The following ERCC6L2 variants were observed in gnomAD, a reference collection of about 807,000 sequenced individuals.
ERCC6L2 encodes the protein ERCC excision repair 6 like 2.
In ERCC6L2, 77 loss-of-function variants were observed where a neutral mutation model predicts 132.0. The ratio of observed to expected loss-of-function variants is 0.58; its 90% CI spans 0.49 to 0.71. The LOEUF (loss-of-function observed/expected upper bound fraction) is 0.71, where lower values mean the gene tolerates loss of function less well. ERCC6L2 is among the 30% of genes least tolerant of loss of function. The pLI, the probability that ERCC6L2 is intolerant of heterozygous loss-of-function variation, is 0.00. For synonymous variants in ERCC6L2, 583 were observed against 632.4 expected (o/e 0.92, Z 1.17); for missense variants, 1,542 against 1,837.6 (o/e 0.84, Z 2.94).
At chr9:96,003,384 C>T (rs1833755137) in intron 17 of ERCC6L2, among the ~76,000 whole-genome samples, 1 of 152,182 alleles carries the variant, frequency 6.6e-6, no homozygotes, top group Admixed American at 6.5e-5. Flanking sequence ...GCTTAGAGTT[C>T]CCATACCACC....
chr9:95,923,720 A>G (rs751700069), intron 9 of ERCC6L2, among the ~76,000 whole-genome samples: 2 of 152,228 alleles, frequency 1.3e-5, no homozygotes, highest in Non-Finnish European at 2.9e-5. Context: ...CCAGAAATAT[A>G]AAAGCTAATG....
At chr9:95,944,877 G>C (rs1419518378) in intron 12 of ERCC6L2, among the ~76,000 whole-genome samples, 1 of 152,156 alleles carries the variant, frequency 6.6e-6, no homozygotes, top group Non-Finnish European at 1.5e-5. Flanking sequence ...GTGGGTCACA[G>C]AGATCACATC....
intron 11 of ERCC6L2, among the ~76,000 whole-genome samples, chr9:95,934,852 G>A (rs1036083037): frequency 1.3e-5 from 2 of 152,172 alleles, no homozygotes; most frequent in African/African-American, 4.8e-5. Context: ...ATCATTTTCT[G>A]TCTCTCATAA....
downstream of ERCC6L2, chr9:96,021,110 A>G: frequency 2.4e-6 from 1 of 419,458 alleles, no homozygotes; most frequent in Non-Finnish European, 4.8e-6. The surrounding 1 kb of genome is among the most constrained non-coding windows in gnomAD (Gnocchi z 4.7). Flanking sequence ...CCTCGCGCCC[A>G]TTACTCTCAG....
In ERCC6L2 at chr9:96,016,943, A is replaced by G. The variant is rs1318660557; in HGVS notation, c.*3740A>G. Reference sequence around the variant, plus strand: ...TTGTTTGTTTGTTTGCATGTGAAGGATTTTTATGTCACAAATCCAGCTAAC... The same window carrying G: ...TTGTTTGTTTGTTTGCATGTGAAGGGTTTTTATGTCACAAATCCAGCTAAC... On this transcript the variant is annotated 3_prime_UTR_variant, in exon 19 of 19. Transcript: ENST00000653738. 6.6e-6 allele frequency among the ~76,000 whole-genome samples: 1 copy of G among 152,088 alleles called. No homozygotes were observed. The highest frequency in any genetic ancestry group is 1.9e-4 in the East Asian group (1 of 5,202).
chr9:95,915,694 A>G lies in ERCC6L2; in HGVS notation c.815A>G (p.Asp272Gly). The change falls in exon 5 of 19, where the codon GAT (aspartate) becomes GGT (glycine). Residue 272 changes from aspartate (D) to glycine (G), a missense_variant. Physicochemically the swap from Asp to Gly is moderately conservative, Grantham distance 94. Around this residue, in one of 4 missense-constraint regions of ERCC6L2, gnomAD observed 945 missense variants for 1,105.2 expected, o/e 0.86. Transcript: ENST00000653738. ...TTGGAATGGTCAGCTGTCATTGTGG[A>G]TGAAGCTCATAGAATCAAGAATCCA... ...NSLEWSAVIVDEAHRIKNPKA... is the reference protein window; with the variant it reads ...NSLEWSAVIVGEAHRIKNPKA... 1 of 1,613,518 alleles carries G rather than the reference A, an allele frequency of 6.2e-7. No individual in the cohort carries two copies. Among genetic ancestry groups the G allele is most frequent in the Non-Finnish European group, 8.5e-7 (1 of 1,179,744 alleles).
chr9:95,976,456 G>A (rs1231744111), intron 16 of ERCC6L2, among the ~76,000 whole-genome samples: 2 of 152,158 alleles, frequency 1.3e-5, no homozygotes, highest in African/African-American at 4.8e-5. Context: ...TTCAGCTGCT[G>A]TTCTCCAGCT....
intron 17 of ERCC6L2, among the ~76,000 whole-genome samples, chr9:95,987,512 C>T (rs1017541145): frequency 6.6e-6 from 1 of 152,188 alleles, no homozygotes; most frequent in African/African-American, 2.4e-5. Flanking sequence ...CCAAAATGAT[C>T]TCCTTGGACT....
chr9:95,930,875 T>C lies in ERCC6L2; in HGVS notation c.1751+2011T>C, dbSNP rs1830305476. ...CACACACCCACCCACCCTTCTACTT[T>C]TGTCACCTATACATATTATGTTAAC... is the stretch of plus-strand genomic sequence containing the variant. On this transcript the variant is annotated intron_variant, in intron 11 of 18. Coordinates refer to ENST00000653738, the MANE Select transcript of ERCC6L2 (RefSeq NM_020207.7). Among the ~76,000 whole-genome samples the C allele has an allele frequency of 2.6e-5, 4 of 152,178 alleles. No homozygotes were observed. In the South Asian group the frequency reaches 8.3e-4, roughly 32 times the overall value.
chr9:95,969,712 A>G (rs555905310), intron 14 of ERCC6L2, among the ~76,000 whole-genome samples: 6 of 152,192 alleles, frequency 3.9e-5, no homozygotes, highest in Non-Finnish European at 5.9e-5. Context: ...GCTTCCAGGC[A>G]TGGAGAATAA....
chr9:95,939,345 A>G (rs1277010302), intron 11 of ERCC6L2, among the ~76,000 whole-genome samples: 2 of 151,724 alleles, frequency 1.3e-5, no homozygotes, highest in African/African-American at 4.8e-5. Context: ...TCTGCTGGTA[A>G]CAGGTGCTCT....
At chr9:95,883,960 G>A (rs748459752) in intron 2 of ERCC6L2, among the ~76,000 whole-genome samples, 5 of 152,166 alleles carry the variant, frequency 3.3e-5, no homozygotes, top group Admixed American at 6.5e-5. Flanking sequence ...AAATTCTTGC[G>A]CACATTTTAG....
Position 95,897,990 on chromosome 9 carries a change from G to A in ERCC6L2, c.594+19G>A, listed in dbSNP as rs1478092435. 1.3e-6 allele frequency: 2 copies of A among 1,590,536 alleles called. No individual in the cohort carries two copies. The highest frequency in any genetic ancestry group is 8.5e-7 in the Non-Finnish European group (1 of 1,169,988). On this transcript the variant is annotated intron_variant, in intron 3 of 18. Transcript: ENST00000653738. Reference sequence around the variant, plus strand: ...AAAAAAGGTAAAATCTCTAGACAATGTATATTCTACTCATGATGCTGGTAT... The same window carrying A: ...AAAAAAGGTAAAATCTCTAGACAATATATATTCTACTCATGATGCTGGTAT...
intron 6 of ERCC6L2, among the ~76,000 whole-genome samples, 167 bp from the exon 7 acceptor site, chr9:95,921,008 C>T (rs1829839169): frequency 6.6e-6 from 1 of 152,228 alleles, no homozygotes; most frequent in African/African-American, 2.4e-5. Flanking sequence ...ATCTCTTGAC[C>T]TTGTGATCCG....
chr9:95,879,529 A>T (rs1006257557), intron 1 of ERCC6L2, among the ~76,000 whole-genome samples: 4 of 152,192 alleles, frequency 2.6e-5, no homozygotes, highest in African/African-American at 9.7e-5. Context: ...CCATTGACCT[A>T]TATGTTGTTC....
At position 96,015,360 on chromosome 9, in the gene ERCC6L2, G is replaced by T. The variant is rs4743460; in HGVS notation, c.*2157G>T. 0.03 allele frequency among the ~76,000 whole-genome samples: 4,592 copies of T among 151,306 alleles called. 97 individuals carry two copies. The highest frequency in any genetic ancestry group is 0.13 in the East Asian group (654 of 5,018). On this transcript the variant is annotated 3_prime_UTR_variant, in exon 19 of 19. Coordinates refer to ENST00000653738, the MANE Select transcript of ERCC6L2 (RefSeq NM_020207.7). ...GCCACCACGCCCAGCTAATTTTTTT[G>T]TGTTTTTAGTAGGGATGGGGTTTCA...
intron 3 of ERCC6L2, among the ~76,000 whole-genome samples, chr9:95,904,293 C>G (rs1338083898): frequency 6.6e-6 from 1 of 152,138 alleles, no homozygotes; most frequent in African/African-American, 2.4e-5. Context: ...TGTAATCTCA[C>G]TGTCCTCTGA....
chr9:96,040,155 C>T (rs970828772), intron 20 of ERCC6L2, among the ~76,000 whole-genome samples: 13 of 151,958 alleles, frequency 8.6e-5, no homozygotes, highest in Non-Finnish European at 2.9e-5. Context: ...CAGTCCTGCC[C>T]CCCCCCAAGC....
rs1350060339 is a variant in ERCC6L2 at position 95,876,064 on chromosome 9, G to C, written c.26G>C (p.Arg9Pro). Residue 9 changes from arginine (R) to proline (P), a missense_variant, in exon 1 of 19, where the codon CGC (arginine) becomes CCC (proline). By Grantham distance (103) the Arg-to-Pro change is moderately radical. This residue lies in a region of ERCC6L2 where 153 missense variants were observed against 132.3 expected (regional missense o/e 1.16). Transcript: ENST00000653738. ...ATGGATCCGTCGGCGCCACAGCCCCGCGCGGAAACCTCAGGCAAAGGTACC... is the reference window on the plus strand; with the variant it reads ...ATGGATCCGTCGGCGCCACAGCCCCCCGCGGAAACCTCAGGCAAAGGTACC... MDPSAPQPRAETSGKDIWH... is the reference protein window; with the variant it reads MDPSAPQPPAETSGKDIWH... 8 of 1,583,780 alleles carry C rather than the reference G, an allele frequency of 5.1e-6. No homozygotes were observed. In the South Asian group the frequency reaches 9.2e-5, roughly 18 times the overall value.
Sources: gnomAD v4.1 joint callset for allele counts (sites outside exome capture counted in the v4.1 genomes callset) on GRCh38, gnomAD v4.1.1 for gene constraint, gnomAD v4.1.1 regional missense constraint, Gnocchi (gnomAD v3.1) non-coding constraint, MANE v1.5 for transcripts, NCBI Gene and HGNC (gene_info 2026-07-23, HGNC 2026-07-21) for gene names.